Variants in PCDH11X observed in about 807,000 individuals in gnomAD.
The protein encoded by PCDH11X is protocadherin-11 X-linked.
In PCDH11X, 18 loss-of-function variants were observed where a neutral mutation model predicts 53.3. The observed-to-expected ratio is 0.34, with a 90% CI of 0.23 to 0.50. The LOEUF (loss-of-function observed/expected upper bound fraction) is 0.50. Among genes scored for constraint, PCDH11X ranks in the 20% least tolerant of loss-of-function variants. The pLI, the probability that PCDH11X is intolerant of heterozygous loss-of-function variation, is 0.98. For synonymous variants in PCDH11X, 279 were observed against 393.3 expected (o/e 0.71, Z 3.44); for missense variants, 570 against 1,032.4 (o/e 0.55, Z 6.14).
intron 6 of PCDH11X, among the ~76,000 whole-genome samples, chrX:92,112,441 T>C (rs2064540036): frequency 9.0e-6 from 1 of 110,974 alleles, no homozygotes; most frequent in Non-Finnish European, 1.9e-5. Flanking sequence ...TGATATTTTC[T>C]CTTAATGGAA....
At chrX:92,558,598 T>C (rs1394434625) in intron 10 of PCDH11X, among the ~76,000 whole-genome samples, 2 of 110,842 alleles carry the variant, frequency 1.8e-5, no homozygotes, top group Non-Finnish European at 3.8e-5. Context: ...ACTAAGGAGA[T>C]AAGATCAATT....
intron 8 of PCDH11X, among the ~76,000 whole-genome samples, chrX:92,267,408 G>A (rs562673776): frequency 1.8e-5 from 2 of 112,333 alleles, no homozygotes; most frequent in East Asian, 2.8e-4. Flanking sequence ...TTAGACTCAC[G>A]TAATGGATAA....
At chrX:92,119,995 A>G (rs1355784910) in intron 6 of PCDH11X, among the ~76,000 whole-genome samples, 1 of 110,446 alleles carries the variant, frequency 9.1e-6, no homozygotes, top group Non-Finnish European at 1.9e-5. Context: ...CAGTTTCAAA[A>G]CACACTGTTA....
At chrX:91,872,446 A>T (rs1392942371) in intron 5 of PCDH11X, among the ~76,000 whole-genome samples, 1 of 110,995 alleles carries the variant, frequency 9.0e-6, no homozygotes, top group Admixed American at 9.6e-5. Context: ...CCACTACTTT[A>T]ATTCATGCAT....
At chrX:91,947,173 G>A (rs2061586373) in intron 6 of PCDH11X, among the ~76,000 whole-genome samples, 1 of 109,031 alleles carries the variant, frequency 9.2e-6, no homozygotes, top group African/African-American at 3.3e-5. Flanking sequence ...GTGCATTTGA[G>A]TGTGCAAGCT....
rs182432180 is a variant in PCDH11X at position 92,175,228 on chromosome X, C to T, written c.3034-26147C>T. Among the ~76,000 whole-genome samples, 861 of 111,482 alleles carry T rather than the reference C, an allele frequency of 7.7e-3. 9 individuals carry two copies. The highest frequency in any genetic ancestry group is 0.027 in the African/African-American group (822 of 30,668). ...CCGACCTCAGGTGATCCACCCGCCT[C>T]GGCCTCCCAAAGTGTTGAGATTACA... On this transcript the variant is annotated intron_variant, in intron 6 of 10. Coordinates refer to ENST00000682573, the MANE Select transcript of PCDH11X (RefSeq NM_032968.5).
chrX:91,885,974 T>A (rs1940177491), intron 6 of PCDH11X, among the ~76,000 whole-genome samples: 1 of 111,170 alleles, frequency 9.0e-6, no homozygotes. Flanking sequence ...TGAATTCTAC[T>A]TTTGACTAGT....
chrX:92,192,929 A>C (rs1238721677), intron 6 of PCDH11X, among the ~76,000 whole-genome samples: 2 of 111,105 alleles, frequency 1.8e-5, no homozygotes, highest in African/African-American at 6.5e-5. Context: ...AGTAAAGACG[A>C]GGTTTCACCA....
intron 6 of PCDH11X, among the ~76,000 whole-genome samples, chrX:92,042,010 T>C (rs1454121555): frequency 8.9e-6 from 1 of 112,181 alleles, no homozygotes; most frequent in Non-Finnish European, 1.9e-5. Flanking sequence ...TTTGATGTTA[T>C]AGTGAGACAT....
At chrX:91,963,161 C>A (rs188159723) in intron 6 of PCDH11X, among the ~76,000 whole-genome samples, 11 of 111,129 alleles carry the variant, frequency 9.9e-5, no homozygotes, top group African/African-American at 3.6e-4. Context: ...ATGGGTTTTT[C>A]TTTTCTATAG....
chrX:91,881,972 C>G (rs958089872), intron 6 of PCDH11X, among the ~76,000 whole-genome samples: 1 of 110,699 alleles, frequency 9.0e-6, no homozygotes, highest in Non-Finnish European at 1.9e-5. Context: ...ATAAAATGTT[C>G]TAGTAGACTA....
chrX:92,611,477 C>G (rs1433194073), intron 10 of PCDH11X, among the ~76,000 whole-genome samples: 1 of 110,062 alleles, frequency 9.1e-6, no homozygotes, highest in Non-Finnish European at 1.9e-5. Context: ...GTTCCAGGAG[C>G]CTTTCAATGT....
At chrX:92,011,563 T>C (rs768008417) in intron 6 of PCDH11X, among the ~76,000 whole-genome samples, 16 of 112,074 alleles carry the variant, frequency 1.4e-4, no homozygotes, top group Admixed American at 1.2e-3. Flanking sequence ...TTATTTCAAG[T>C]GGTGAATATA....
chrX:92,447,157 GC>G, intron 9 of PCDH11X, among the ~76,000 whole-genome samples: 1 of 112,024 alleles, frequency 8.9e-6, no homozygotes, highest in Non-Finnish European at 1.9e-5. Flanking sequence ...CAGAAATTTT[GC>G]AGCCTGACAA....
chrX:92,101,460 C>CT (rs1294591448), intron 6 of PCDH11X, among the ~76,000 whole-genome samples: 1 of 111,443 alleles, frequency 9.0e-6, no homozygotes, highest in Non-Finnish European at 1.9e-5. Flanking sequence ...TTTAAAAGAC[C>CT]TTAGTCCATT....
chrX:92,417,007 A>G (rs1460684325), intron 9 of PCDH11X, among the ~76,000 whole-genome samples: 1 of 110,305 alleles, frequency 9.1e-6, no homozygotes, highest in Non-Finnish European at 1.9e-5. Flanking sequence ...AATATACCTC[A>G]TTGATTTTAA....
At chrX:91,886,746 A>C (rs1454671098) in intron 6 of PCDH11X, among the ~76,000 whole-genome samples, 9 of 109,367 alleles carry the variant, frequency 8.2e-5, no homozygotes, top group South Asian at 7.8e-4. Flanking sequence ...CCAAGGCGGG[A>C]GGATCACAAG....
At chrX:92,528,240 C>A (rs750326498) in intron 10 of PCDH11X, among the ~76,000 whole-genome samples, 1 of 112,295 alleles carries the variant, frequency 8.9e-6, no homozygotes, top group East Asian at 2.8e-4. Flanking sequence ...TACAGACATA[C>A]GCACATGTGC....
rs1267845884 is a variant in PCDH11X at position 92,618,986 on chromosome X, A to C, written c.*46A>C. 3 of 1,132,782 alleles carry C rather than the reference A, an allele frequency of 2.6e-6. No homozygotes were observed. The highest frequency in any genetic ancestry group is 3.6e-6 in the Non-Finnish European group (3 of 825,308). 93.4% of individuals were successfully genotyped at this position (1,132,782 alleles called of 1,213,427 possible). A position where few individuals can be genotyped will look rare whatever the true frequency, so the allele number is the denominator to read the frequency against. On this transcript the variant is annotated 3_prime_UTR_variant, in exon 11 of 11. Transcript: ENST00000682573. ...ATTTTCAGAAAAGATGTATATAGTCAAAATTTAAGATACAATTCCAATGAG... is the reference window on the plus strand; with the variant it reads ...ATTTTCAGAAAAGATGTATATAGTCCAAATTTAAGATACAATTCCAATGAG...
Sources: allele counts gnomAD v4.1 joint callset (sites outside exome capture counted in the v4.1 genomes callset), GRCh38; gene constraint gnomAD v4.1.1; transcripts MANE v1.5; gene names NCBI Gene and HGNC (gene_info 2026-07-23, HGNC 2026-07-21).